The following PTPRD variants were observed in gnomAD, a reference collection of about 807,000 sequenced individuals.
PTPRD encodes protein tyrosine phosphatase receptor type D, also known as receptor-type tyrosine-protein phosphatase delta.
Under a neutral mutation model 214.5 loss-of-function variants are expected in PTPRD, and 34 were observed. The ratio of observed to expected loss-of-function variants is 0.16; its 90% confidence interval spans 0.12 to 0.21. The LOEUF (loss-of-function observed/expected upper bound fraction) is 0.21, where lower values mean the gene tolerates loss of function less well. Ranked by LOEUF, PTPRD falls within the 10% of genes least tolerant of loss-of-function variation. PTPRD has a pLI of 1.00. For synonymous variants in PTPRD, 1,128 were observed against 845.7 expected, an observed-to-expected ratio of 1.33 and a Z score of -5.79; for missense variants, 2,545 against 2,398.7, an observed-to-expected ratio of 1.06 and a Z score of -1.27.
At position 9,411,894 on chromosome 9, in the gene PTPRD, G is replaced by T. The variant is rs1357384658; in HGVS notation, c.-236-14412C>A. ...AAATGCATAGTGACCCTATGACCCT[G>T]CAAGCAAGAGGGACCTGTGGAATCA... On this transcript the variant is annotated intron_variant, in intron 8 of 45. Coordinates refer to ENST00000381196, the MANE Select transcript of PTPRD (RefSeq NM_002839.4). Among the ~76,000 whole-genome samples, 3 of 152,268 alleles carry T rather than the reference G, an allele frequency of 2.0e-5. No individual in the cohort carries two copies. In the East Asian group the frequency reaches 5.8e-4, roughly 29 times the overall value.
intron 8 of PTPRD, among the ~76,000 whole-genome samples, chr9:9,538,772 A>T (rs1415762591): frequency 6.6e-6 from 1 of 151,960 alleles, no homozygotes; most frequent in Non-Finnish European, 1.5e-5. Context: ...CTAATGAAAG[A>T]CTATGAAAAA....
intron 9 of PTPRD, among the ~76,000 whole-genome samples, chr9:9,391,472 A>C (rs1416819477): frequency 6.6e-6 from 1 of 152,188 alleles, no homozygotes; most frequent in African/African-American, 2.4e-5. Flanking sequence ...CTAATTATGT[A>C]TGCATGTGCC....
chr9:8,828,432 G>C (rs2097216728), intron 11 of PTPRD, among the ~76,000 whole-genome samples: 1 of 152,276 alleles, frequency 6.6e-6, no homozygotes, highest in Non-Finnish European at 1.5e-5. Flanking sequence ...CTGTGAACCA[G>C]GAAAAAGACC....
At chr9:8,746,446 C>T (rs887533609) in intron 11 of PTPRD, among the ~76,000 whole-genome samples, 1 of 152,140 alleles carries the variant, frequency 6.6e-6, no homozygotes, top group African/African-American at 2.4e-5. Flanking sequence ...ATACTCACTC[C>T]TTTAGAAAAT....
rs1185004322 is a variant in PTPRD at position 10,470,519 on chromosome 9, G to A, written c.-599-129502C>T. Among the ~76,000 whole-genome samples, 3 of 152,216 alleles carry A rather than the reference G, an allele frequency of 2.0e-5. No individual in the cohort carries two copies. The East Asian group carries it at 5.8e-4, about 29-fold the overall frequency. On this transcript the variant is annotated intron_variant, in intron 2 of 45. Transcript: ENST00000381196. ...TGTAATGAAAGTATGAAGACTTCCA[G>A]GGAAATAATTCACCCTAACTTCCTG...
At chr9:9,184,137 G>A (rs1183076445) in intron 9 of PTPRD, among the ~76,000 whole-genome samples, 2 of 151,880 alleles carry the variant, frequency 1.3e-5, no homozygotes, top group East Asian at 3.9e-4. Context: ...ATCTCATGGG[G>A]AGAGACTTTT....
chr9:10,564,171 C>CT lies in PTPRD; in HGVS notation c.-600+48226dup, dbSNP rs71332760. 1.2e-3 allele frequency among the ~76,000 whole-genome samples: 35 copies of CT among 29,406 alleles called. 5 individuals carry two copies. Among genetic ancestry groups the CT allele is most frequent in the African/African-American group, 3.0e-3 (19 of 6,258 alleles). 19.3% of individuals were successfully genotyped at this position (29,406 alleles called of 152,430 possible). A position where few individuals can be genotyped will look rare whatever the true frequency, so the allele number is the denominator to read the frequency against. On this transcript the variant is annotated intron_variant, in intron 2 of 45. Coordinates refer to ENST00000381196, the MANE Select transcript of PTPRD (RefSeq NM_002839.4). ...GTGTGCACCACCACACTAGGCTATT[C>CT]TTTTTTTTTTTTTTTTTTTTTTTTG...
Position 10,200,784 on chromosome 9 carries a change from T to C in PTPRD, c.-545+140179A>G, listed in dbSNP as rs2099416689. On this transcript the variant is annotated intron_variant, in intron 3 of 45. Coordinates refer to ENST00000381196, the MANE Select transcript of PTPRD (RefSeq NM_002839.4). ...TTATTTGTTCAATTTATTGGTAGAA[T>C]TTTACCTGAGGAAAAATATAAACAT... 2.0e-5 allele frequency among the ~76,000 whole-genome samples: 3 copies of C among 152,118 alleles called. No homozygotes were observed. In the South Asian group the frequency reaches 6.2e-4, roughly 31 times the overall value.
intron 7 of PTPRD, among the ~76,000 whole-genome samples, chr9:9,727,548 A>C (rs2098116821): frequency 6.6e-6 from 1 of 152,178 alleles, no homozygotes; most frequent in Admixed American, 6.6e-5. Context: ...TTAACTTCCC[A>C]CTAAGTGATC....
intron 2 of PTPRD, among the ~76,000 whole-genome samples, chr9:10,487,901 G>C (rs1434138425): frequency 6.7e-6 from 1 of 150,192 alleles, no homozygotes; most frequent in African/African-American, 2.5e-5. Flanking sequence ...ATATCTGGAA[G>C]AATTCTCTGA....
chr9:9,939,336 C>A (rs988180329), intron 4 of PTPRD, among the ~76,000 whole-genome samples: 1 of 152,112 alleles, frequency 6.6e-6, no homozygotes, highest in South Asian at 2.1e-4. Flanking sequence ...TGGTAGACAA[C>A]TGGGTGGTTG....
At chr9:9,105,616 G>A (rs908330166) in intron 10 of PTPRD, among the ~76,000 whole-genome samples, 1 of 152,148 alleles carries the variant, frequency 6.6e-6, no homozygotes, top group Admixed American at 6.6e-5. Context: ...AGGTGACTGA[G>A]TACTTCATCA....
chr9:10,219,697 A>G (rs2099557076), intron 3 of PTPRD, among the ~76,000 whole-genome samples: 1 of 151,872 alleles, frequency 6.6e-6, no homozygotes, highest in Admixed American at 6.6e-5. Context: ...TTTTCCATAC[A>G]TAAAAATCAC....
At chr9:10,490,471 G>A (rs1357345531) in intron 2 of PTPRD, among the ~76,000 whole-genome samples, 2 of 152,136 alleles carry the variant, frequency 1.3e-5, no homozygotes, top group Admixed American at 6.5e-5. Flanking sequence ...TCTATTACAT[G>A]CCCTACTTTT....
At chr9:8,582,834 G>A (rs2093299844) in intron 14 of PTPRD, among the ~76,000 whole-genome samples, 1 of 152,188 alleles carries the variant, frequency 6.6e-6, no homozygotes, top group Admixed American at 6.5e-5. Flanking sequence ...ATGTGGCAAA[G>A]TTGGTGGGCT....
chr9:9,631,051 A>C (rs2095574140), intron 7 of PTPRD, among the ~76,000 whole-genome samples: 1 of 152,120 alleles, frequency 6.6e-6, no homozygotes, highest in Non-Finnish European at 1.5e-5. Flanking sequence ...TGTCATTTAA[A>C]AACAATAAAG....
At chr9:8,601,733 T>C (rs562454371) in intron 14 of PTPRD, among the ~76,000 whole-genome samples, 40 of 152,182 alleles carry the variant, frequency 2.6e-4, no homozygotes, top group Non-Finnish European at 4.9e-4. Context: ...ATTGACAGTG[T>C]TGTCACAGAG....
intron 8 of PTPRD, among the ~76,000 whole-genome samples, chr9:9,525,058 C>A (rs554804743): frequency 6.6e-6 from 1 of 152,272 alleles, no homozygotes; most frequent in East Asian, 1.9e-4. Context: ...ACCGTTTCAC[C>A]ATGTTAGCCA....
At chr9:8,428,250 A>G (rs2132005064) in intron 35 of PTPRD, among the ~76,000 whole-genome samples, 1 of 152,266 alleles carries the variant, frequency 6.6e-6, no homozygotes, top group South Asian at 2.1e-4. Context: ...AAAAACTGCC[A>G]TGTTCGTAAG....
Sources: allele counts gnomAD v4.1 joint callset (sites outside exome capture counted in the v4.1 genomes callset), GRCh38; gene constraint gnomAD v4.1.1; transcripts MANE v1.5; gene names NCBI Gene and HGNC (gene_info 2026-07-23, HGNC 2026-07-21).